Variants in CCNT2 observed in about 807,000 individuals in gnomAD.
CCNT2 encodes cyclin T2, also known as cyclin-T2.
CCNT2 carries 18 observed loss-of-function variants against 70.0 expected under a neutral mutation model. That is an observed-to-expected ratio of 0.26 (90% CI 0.18 to 0.38). The LOEUF (loss-of-function observed/expected upper bound fraction) is 0.38, where lower values mean the gene tolerates loss of function less well. CCNT2 is among the 10% of genes least tolerant of loss of function. The pLI is 1.00. For synonymous variants in CCNT2, 334 were observed against 313.3 expected (o/e 1.07, Z -0.70); for missense variants, 734 against 890.2 (o/e 0.82, Z 2.23).
chr2:134,921,353 A>AT (rs66839618), intron 2 of CCNT2, among the ~76,000 whole-genome samples: 52,428 of 150,344 alleles, frequency 0.35, 9,861 homozygotes, highest in Middle Eastern at 0.67. Context: ...TTATTTATTA[A>AT]TTTTTTTTTT....
chr2:134,940,343 C>T (rs562378107), intron 4 of CCNT2, among the ~76,000 whole-genome samples: 4 of 129,544 alleles, frequency 3.1e-5, no homozygotes, highest in African/African-American at 1.2e-4. Context: ...TGAGCTGTAG[C>T]CTAGAAATAT....
At chr2:134,942,929 C>T (rs1377521601) in intron 5 of CCNT2, 1 of 985,066 alleles carries the variant, frequency 1.0e-6, no homozygotes, top group Non-Finnish European at 1.2e-6. Flanking sequence ...AGTATTAGGA[C>T]TCTATCCATC....
chr2:134,932,934 A>C (rs1006605547), intron 2 of CCNT2, among the ~76,000 whole-genome samples: 1 of 152,174 alleles, frequency 6.6e-6, no homozygotes, highest in South Asian at 2.1e-4. Flanking sequence ...GAAAGTTCCA[A>C]TTTCTGAGCT....
At chr2:134,949,398 G>A (rs1164615029) in intron 7 of CCNT2, among the ~76,000 whole-genome samples, 1 of 152,148 alleles carries the variant, frequency 6.6e-6, no homozygotes, top group Non-Finnish European at 1.5e-5. Context: ...GCAGCCATAG[G>A]CAATTTGTAA....
intron 2 of CCNT2, among the ~76,000 whole-genome samples, chr2:134,921,353 A>G (rs201270646): frequency 6.7e-6 from 1 of 150,360 alleles, no homozygotes; most frequent in Admixed American, 6.6e-5. Flanking sequence ...TTATTTATTA[A>G]TTTTTTTTTT....
At chr2:134,951,593 C>T (rs756294030) in intron 7 of CCNT2, among the ~76,000 whole-genome samples, 1 of 152,092 alleles carries the variant, frequency 6.6e-6, no homozygotes, top group Non-Finnish European at 1.5e-5. Flanking sequence ...GTAATTCCAG[C>T]ACTTTGGGAG....
In CCNT2 at chr2:134,947,820, T is replaced by C. The variant is rs1682109949; in HGVS notation, c.624T>C (p.Asn208=). The C allele has an allele frequency of 1.3e-6, 2 of 1,563,394 alleles. No individual in the cohort carries two copies. The highest frequency in any genetic ancestry group is 1.7e-6 in the Non-Finnish European group (2 of 1,144,106). The change falls in exon 7 of 9, where the codon AAT becomes AAC. Residue 208 remains asparagine, a synonymous_variant. Coordinates refer to ENST00000264157, the MANE Select transcript of CCNT2 (RefSeq NM_058241.3). Reference sequence around the variant, plus strand: ...TTCATTTGGCTTGCAAATGGTCCAATTGGGAGATCCCTGTATCAACTGATG... The same window carrying C: ...TTCATTTGGCTTGCAAATGGTCCAACTGGGAGATCCCTGTATCAACTGATG... ...VCIHLACKWS[N]WEIPVSTDGK... is the part of the protein sequence containing the mutation.
rs1456790575 is a variant in CCNT2 at position 134,956,748 on chromosome 2, T to A, written c.*2100T>A. 1 of 152,532 alleles carries A rather than the reference T, an allele frequency of 6.6e-6. No homozygotes were observed. The highest frequency in any genetic ancestry group is 1.5e-5 in the Non-Finnish European group (1 of 68,010). 9.4% of individuals were successfully genotyped at this position (152,532 alleles called of 1,614,324 possible). On this transcript the variant is annotated 3_prime_UTR_variant, in exon 9 of 9. Coordinates refer to ENST00000264157, the MANE Select transcript of CCNT2 (RefSeq NM_058241.3). The stretch of plus-strand genomic sequence containing the variant: ...TATTTTCAGTAGACATAGAAAACAA[T>A]GTGAATATTTAAGGTCTGTGACTAT...
chr2:134,932,112 G>A (rs908274007), intron 2 of CCNT2, among the ~76,000 whole-genome samples: 1 of 152,002 alleles, frequency 6.6e-6, no homozygotes, highest in Non-Finnish European at 1.5e-5. Flanking sequence ...AGCCTCCCAA[G>A]TGGTTAGGAT....
At position 134,955,188 on chromosome 2, in the gene CCNT2, G is replaced by C. The variant is rs1682856045; in HGVS notation, c.*540G>C. The C allele has an allele frequency of 6.5e-6, 1 of 154,420 alleles. No individual in the cohort carries two copies. Among genetic ancestry groups the C allele is most frequent in the Non-Finnish European group, 1.4e-5 (1 of 69,212 alleles). 9.6% of individuals were successfully genotyped at this position (154,420 alleles called of 1,614,324 possible). On this transcript the variant is annotated 3_prime_UTR_variant, in exon 9 of 9. Coordinates refer to ENST00000264157, the MANE Select transcript of CCNT2 (RefSeq NM_058241.3). Reference sequence around the variant, plus strand: ...TACTCAGGATTGGAGCTGCTTGTAAGTATAACAATATACAGAATAACTTTA... The same window carrying C: ...TACTCAGGATTGGAGCTGCTTGTAACTATAACAATATACAGAATAACTTTA...
chr2:134,951,690 A>T (rs1682514874), intron 7 of CCNT2, among the ~76,000 whole-genome samples: 1 of 152,210 alleles, frequency 6.6e-6, no homozygotes, highest in Non-Finnish European at 1.5e-5. Flanking sequence ...TTTAACAAAA[A>T]AAAGAAAGAA....
chr2:134,919,689 C>A, intron 1 of CCNT2, 121 bp from the exon 2 acceptor site: 1 of 694,848 alleles, frequency 1.4e-6, no homozygotes, highest in Non-Finnish European at 2.4e-6. Context: ...TTCTTTATTT[C>A]CAGTTTGGGG....
intron 2 of CCNT2, among the ~76,000 whole-genome samples, chr2:134,935,584 A>G (rs1221417050): frequency 2.6e-5 from 4 of 152,134 alleles, no homozygotes; most frequent in African/African-American, 9.7e-5. Flanking sequence ...AAAAATGGGT[A>G]CTCAAATCTT....
chr2:134,923,034 A>C (rs1411937215), intron 2 of CCNT2, among the ~76,000 whole-genome samples: 2 of 152,170 alleles, frequency 1.3e-5, no homozygotes, highest in African/African-American at 4.8e-5. Context: ...TAATCCCGGC[A>C]CTTTGGGATG....
intron 3 of CCNT2, among the ~76,000 whole-genome samples, chr2:134,938,706 C>T (rs1275601805): frequency 1.3e-5 from 2 of 152,174 alleles, no homozygotes; most frequent in African/African-American, 4.8e-5. Flanking sequence ...GCACCAGTGC[C>T]TAGGTTGTTT....
At chr2:134,932,113 T>C (rs1265101587) in intron 2 of CCNT2, among the ~76,000 whole-genome samples, 1 of 152,062 alleles carries the variant, frequency 6.6e-6, no homozygotes, top group African/African-American at 2.4e-5. Context: ...GCCTCCCAAG[T>C]GGTTAGGATT....
At chr2:134,949,462 C>G (rs1342781040) in intron 7 of CCNT2, among the ~76,000 whole-genome samples, 1 of 152,154 alleles carries the variant, frequency 6.6e-6, no homozygotes, top group Non-Finnish European at 1.5e-5. Flanking sequence ...AAATAGGTGG[C>G]CAGCCATATT....
chr2:134,939,452 T>A (rs1479772632), intron 4 of CCNT2, among the ~76,000 whole-genome samples: 1 of 151,728 alleles, frequency 6.6e-6, no homozygotes, highest in Non-Finnish European at 1.5e-5. Context: ...TCACCTTTTT[T>A]ATTTTATTTA....
chr2:134,950,322 A>G (rs890038675), intron 7 of CCNT2, among the ~76,000 whole-genome samples: 1 of 152,132 alleles, frequency 6.6e-6, no homozygotes, highest in Non-Finnish European at 1.5e-5. Context: ...TAAGACTTTC[A>G]CCATGTTTTG....
Sources: gnomAD v4.1 joint callset for allele counts (sites outside exome capture counted in the v4.1 genomes callset) on GRCh38, gnomAD v4.1.1 for gene constraint, MANE v1.5 for transcripts, NCBI Gene and HGNC (gene_info 2026-07-23, HGNC 2026-07-21) for gene names.